Variants in GABRB2 observed in about 807,000 individuals in gnomAD.
GABRB2 encodes the protein gamma-aminobutyric acid receptor subunit beta-2.
A neutral mutation model predicts 54.7 loss-of-function variants in GABRB2; 16 were observed. The ratio of observed to expected loss-of-function variants is 0.29; its 90% CI spans 0.20 to 0.44. GABRB2 has a LOEUF of 0.44. GABRB2 is among the 20% of genes least tolerant of loss of function. GABRB2 has a pLI of 1.00. For missense variants in GABRB2, 355 were observed against 644.0 expected, an observed-to-expected ratio of 0.55 and a Z score of 4.86; for synonymous variants, 244 against 233.8, an observed-to-expected ratio of 1.04 and a Z score of -0.40.
intron 4 of GABRB2, among the ~76,000 whole-genome samples, chr5:161,445,178 C>G (rs1757581545): frequency 6.6e-6 from 1 of 152,088 alleles, no homozygotes; most frequent in African/African-American, 2.4e-5. Context: ...AGCTTATATT[C>G]TAGTGGTGAC....
intron 8 of GABRB2, 137 bp from the exon 9 acceptor site, chr5:161,326,618 G>T: frequency 9.3e-7 from 1 of 1,076,284 alleles, no homozygotes. Context: ...ACAGAGAATG[G>T]GAATTTGAGT....
chr5:161,455,909 G>A (rs1757941192), intron 4 of GABRB2, among the ~76,000 whole-genome samples: 1 of 152,080 alleles, frequency 6.6e-6, no homozygotes, highest in Non-Finnish European at 1.5e-5. Flanking sequence ...AATTCAATAA[G>A]CATTGATATT....
chr5:161,400,618 C>T (rs193041457), intron 5 of GABRB2, among the ~76,000 whole-genome samples: 1 of 152,096 alleles, frequency 6.6e-6, no homozygotes, highest in East Asian at 1.9e-4. Flanking sequence ...TTGAGTAGAG[C>T]CTTATCAAAC....
At position 161,472,536 on chromosome 5, in the gene GABRB2, G is replaced by A. The variant is rs140037186; in HGVS notation, c.238-12692C>T. 2.0e-4 allele frequency among the ~76,000 whole-genome samples: 31 copies of A among 151,800 alleles called. No homozygotes were observed. The South Asian group carries it at 5.0e-3, about 24-fold the overall frequency. ...ATTATTTCTCGGGTGGGGGTGGGGA[G>A]ATGAATGTCAGTCCCTGAGAATTCT... is the stretch of plus-strand genomic sequence containing the variant. On this transcript the variant is annotated intron_variant, in intron 3 of 9. Transcript: ENST00000393959.
chr5:161,464,901 T>C (rs1758232292), intron 3 of GABRB2, among the ~76,000 whole-genome samples: 2 of 152,038 alleles, frequency 1.3e-5, no homozygotes, highest in African/African-American at 4.8e-5. Context: ...GGGGGAGCAG[T>C]TGACCTCAAA....
rs1354719418 is a variant in GABRB2 at position 161,290,422 on chromosome 5, T to A, written c.*3659A>T. ...GATGTTCTGGGGTACAGTACTATTG[T>A]CGAGTTGAACTGTGCAATGGTTCAT... On this transcript the variant is annotated 3_prime_UTR_variant, in exon 10 of 10. Coordinates refer to ENST00000393959, the MANE Select transcript of GABRB2 (RefSeq NM_001371727.1). 1 of 152,576 alleles carries A rather than the reference T, an allele frequency of 6.6e-6. No individual in the cohort carries two copies. The highest frequency in any genetic ancestry group is 6.6e-5 in the Admixed American group (1 of 15,266). The allele number at this position is 152,576 out of a possible 1,614,324, so 9.5% of individuals were successfully genotyped here.
chr5:161,322,568 A>C (rs1312319836), intron 9 of GABRB2, among the ~76,000 whole-genome samples: 2 of 152,132 alleles, frequency 1.3e-5, no homozygotes, highest in Non-Finnish European at 2.9e-5. Flanking sequence ...CATTTTTATA[A>C]TTAGATTCTG....
intron 5 of GABRB2, among the ~76,000 whole-genome samples, chr5:161,374,291 T>G (rs1458548661): frequency 6.6e-6 from 1 of 152,156 alleles, no homozygotes; most frequent in African/African-American, 2.4e-5. Context: ...AGTGCCTTCT[T>G]GATATTTCAT....
chr5:161,336,856 A>G, intron 5 of GABRB2, 87 bp from the exon 6 acceptor site: 1 of 1,360,548 alleles, frequency 7.3e-7, no homozygotes, highest in South Asian at 1.3e-5. Flanking sequence ...ATACCTGTTT[A>G]GAAGATGACC....
chr5:161,366,007 AT>A (rs1270818211), intron 5 of GABRB2, among the ~76,000 whole-genome samples: 4 of 149,854 alleles, frequency 2.7e-5, no homozygotes, highest in Non-Finnish European at 5.9e-5. Flanking sequence ...GGCAGATACT[AT>A]TTACTTCAAT....
chr5:161,431,563 T>C (rs1757173117), intron 4 of GABRB2, among the ~76,000 whole-genome samples: 1 of 152,142 alleles, frequency 6.6e-6, no homozygotes, highest in Admixed American at 6.6e-5. Flanking sequence ...TAACAATAAA[T>C]AACATGTTAA....
At chr5:161,467,845 G>A (rs558449898) in intron 3 of GABRB2, among the ~76,000 whole-genome samples, 10 of 152,082 alleles carry the variant, frequency 6.6e-5, no homozygotes, top group Non-Finnish European at 1.0e-4. Context: ...TTAGTTATGT[G>A]TATAAAGTCA....
At chr5:161,452,931 G>A (rs1757833032) in intron 4 of GABRB2, among the ~76,000 whole-genome samples, 1 of 152,170 alleles carries the variant, frequency 6.6e-6, no homozygotes, top group Admixed American at 6.5e-5. Flanking sequence ...AGGAAGCAGA[G>A]GTTGCTGTGA....
intron 5 of GABRB2, among the ~76,000 whole-genome samples, chr5:161,383,489 T>C (rs1453096761): frequency 5.3e-5 from 8 of 152,178 alleles, no homozygotes; most frequent in Admixed American, 5.2e-4. Context: ...TCATGCCAAT[T>C]ACATTTATCT....
intron 3 of GABRB2, among the ~76,000 whole-genome samples, chr5:161,471,191 T>C (rs550998311): frequency 1.3e-5 from 2 of 152,116 alleles, no homozygotes; most frequent in African/African-American, 2.4e-5. Flanking sequence ...CTGAAGGACA[T>C]AGTTTATCTA....
intron 3 of GABRB2, among the ~76,000 whole-genome samples, chr5:161,544,445 T>C (rs976298154): frequency 2.0e-5 from 3 of 152,152 alleles, no homozygotes; most frequent in African/African-American, 7.2e-5. Flanking sequence ...AGTGTTCCAA[T>C]ATGGGCAGCA....
At position 161,396,192 on chromosome 5, in the gene GABRB2, G is replaced by A. The variant is rs1047756642; in HGVS notation, c.541+14783C>T. 9.9e-5 allele frequency among the ~76,000 whole-genome samples: 15 copies of A among 152,262 alleles called. 1 individual carries two copies. Among genetic ancestry groups the A allele is most frequent in the Admixed American group, 9.2e-4 (14 of 15,286 alleles). On this transcript the variant is annotated intron_variant, in intron 5 of 9. Coordinates refer to ENST00000393959, the MANE Select transcript of GABRB2 (RefSeq NM_001371727.1). ...AGAAACGAGGCCTAGAAAAATAACAGCTCCATCAGGAAGTGGAAAGCCACA... is the reference window on the plus strand; with the variant it reads ...AGAAACGAGGCCTAGAAAAATAACAACTCCATCAGGAAGTGGAAAGCCACA...
intron 9 of GABRB2, among the ~76,000 whole-genome samples, chr5:161,323,423 T>C (rs1204708874): frequency 6.6e-6 from 1 of 152,204 alleles, no homozygotes; most frequent in African/African-American, 2.4e-5. Flanking sequence ...ATAGCTGTCA[T>C]GCTGTTTCTT....
chr5:161,360,418 A>C (rs180782994), intron 5 of GABRB2, among the ~76,000 whole-genome samples: 12 of 152,362 alleles, frequency 7.9e-5, no homozygotes, highest in African/African-American at 2.6e-4. Context: ...GGATATCAAT[A>C]AAAATGGCAT....
Sources: gnomAD v4.1 joint callset for allele counts (sites outside exome capture counted in the v4.1 genomes callset) on GRCh38, gnomAD v4.1.1 for gene constraint, MANE v1.5 for transcripts, NCBI Gene and HGNC (gene_info 2026-07-23, HGNC 2026-07-21) for gene names.